The following TNRC6A variants were observed in gnomAD, a reference collection of about 807,000 sequenced individuals.
TNRC6A encodes the protein trinucleotide repeat containing adaptor 6A.
TNRC6A carries 44 observed loss-of-function variants against 221.2 expected under a neutral mutation model. That is an observed-to-expected ratio of 0.20 (90% CI 0.16 to 0.26). The LOEUF is 0.26. Ranked by LOEUF, TNRC6A falls within the 10% of genes least tolerant of loss-of-function variation. TNRC6A has a pLI of 1.00. For synonymous variants in TNRC6A, 847 were observed against 838.5 expected, an observed-to-expected ratio of 1.01 and a Z score of -0.18; for missense variants, 2,199 against 2,404.4, an observed-to-expected ratio of 0.91 and a Z score of 1.79.
intron 2 of TNRC6A, among the ~76,000 whole-genome samples, chr16:24,689,449 C>T (rs1156576532): frequency 1.3e-5 from 2 of 152,206 alleles, no homozygotes; most frequent in Admixed American, 1.3e-4. Flanking sequence ...GAAATCCGCA[C>T]ATTGATGAGA....
intron 1 of TNRC6A, among the ~76,000 whole-genome samples, chr16:24,639,493 A>T (rs1901819353): frequency 6.6e-6 from 1 of 152,122 alleles, no homozygotes; most frequent in Non-Finnish European, 1.5e-5. Context: ...ACCCTCTCTC[A>T]AAAAACATGA....
At chr16:24,614,279 C>T (rs1900227736) in intron 1 of TNRC6A, among the ~76,000 whole-genome samples, 1 of 152,208 alleles carries the variant, frequency 6.6e-6, no homozygotes, top group South Asian at 2.1e-4. Context: ...GTTTGCGAGG[C>T]CCCGTGGGCC....
Position 24,823,921 on chromosome 16 carries a change from A to C in TNRC6A, c.*114A>C. On this transcript the variant is annotated 3_prime_UTR_variant, in exon 25 of 25. Coordinates refer to ENST00000395799, the MANE Select transcript of TNRC6A (RefSeq NM_014494.4). The surrounding 1 kb of genome is among the most constrained non-coding windows in gnomAD (Gnocchi z 4.3). ...CTGTGGGAACAGCTATTCTCTGCAC[A>C]TTTTCCACTTTGTTTTCCCCAAAAC... 8.9e-7 allele frequency: 1 copy of C among 1,118,730 alleles called. No individual in the cohort carries two copies. The allele number at this position is 1,118,730 out of a possible 1,614,324, so 69.3% of individuals were successfully genotyped here.
At chr16:24,664,125 A>G (rs546316206) in intron 2 of TNRC6A, 5 of 319,402 alleles carry the variant, frequency 1.6e-5, no homozygotes, top group African/African-American at 2.2e-5. Context: ...TGAGATCAGG[A>G]GTTTGAGACC....
At chr16:24,653,719 G>T (rs1292879520) in intron 2 of TNRC6A, among the ~76,000 whole-genome samples, 2 of 151,600 alleles carry the variant, frequency 1.3e-5, no homozygotes, top group African/African-American at 4.8e-5. Context: ...TGTGCAGGTT[G>T]CAGTGAACAG....
At chr16:24,787,008 G>C (rs1160471874) in intron 5 of TNRC6A, among the ~76,000 whole-genome samples, 1 of 152,166 alleles carries the variant, frequency 6.6e-6, no homozygotes, top group African/African-American at 2.4e-5. Flanking sequence ...CTACTTTAGA[G>C]ATGAAACTAG....
In TNRC6A at chr16:24,823,555, G is replaced by C. The variant is rs992525692; in HGVS notation, c.5637G>C (p.Gln1879His). The change falls in exon 25 of 25, where the codon CAG becomes CAC. Residue 1879 changes from glutamine (Q) to histidine (H), a missense_variant. Transcript: ENST00000395799. This position sits in a 1 kb window ranked among gnomAD's most constrained non-coding sequence, Gnocchi z 4.3. The part of the protein sequence containing the change: ...SPGWQSLGSS[Q>H]SRLGSLDCSH... ...GCTGGCAGTCTCTCGGGTCCAGCCA[G>C]AGCCGGCTGGGCTCCCTCGACTGTT... 8.7e-6 allele frequency: 14 copies of C among 1,614,204 alleles called. No homozygotes were observed. In the East Asian group the frequency reaches 2.7e-4, roughly 31 times the overall value.
intron 2 of TNRC6A, among the ~76,000 whole-genome samples, chr16:24,683,662 G>A (rs1322743794): frequency 6.6e-6 from 1 of 152,188 alleles, no homozygotes; most frequent in Non-Finnish European, 1.5e-5. Flanking sequence ...CCGAGTTCAA[G>A]TCCTGTTTCT....
At chr16:24,777,620 A>G (rs1048517848) in intron 5 of TNRC6A, among the ~76,000 whole-genome samples, 1 of 152,214 alleles carries the variant, frequency 6.6e-6, no homozygotes, top group African/African-American at 2.4e-5. Flanking sequence ...AAAGTTGACT[A>G]TAAGACTGTA....
At chr16:24,766,270 C>A (rs1328771653) in intron 4 of TNRC6A, among the ~76,000 whole-genome samples, 1 of 152,128 alleles carries the variant, frequency 6.6e-6, no homozygotes, top group African/African-American at 2.4e-5. Flanking sequence ...TTTGCCTCAT[C>A]TGTAAAATGG....
At chr16:24,628,647 T>C (rs888710795) in intron 1 of TNRC6A, among the ~76,000 whole-genome samples, 8 of 152,186 alleles carry the variant, frequency 5.3e-5, no homozygotes, top group African/African-American at 1.4e-4. Context: ...TGTGATTTTC[T>C]TAATATTGAA....
intron 2 of TNRC6A, among the ~76,000 whole-genome samples, chr16:24,721,830 C>T (rs1005182289): frequency 1.2e-4 from 19 of 152,288 alleles, no homozygotes; most frequent in African/African-American, 4.3e-4. Context: ...AAGGAACGAA[C>T]TTAATACACG....
chr16:24,611,607 G>T (rs993008001), intron 1 of TNRC6A, among the ~76,000 whole-genome samples: 5 of 152,232 alleles, frequency 3.3e-5, no homozygotes, highest in African/African-American at 1.2e-4. Flanking sequence ...ATCTCGTAGA[G>T]CTGGCTCCGA....
intron 2 of TNRC6A, among the ~76,000 whole-genome samples, chr16:24,717,758 CT>C (rs796163303): frequency 2.6e-4 from 30 of 116,830 alleles, no homozygotes; most frequent in East Asian, 1.3e-3. Context: ...CAAGGTTCAT[CT>C]TTTTTTTTTT....
intron 3 of TNRC6A, among the ~76,000 whole-genome samples, chr16:24,756,690 G>C (rs746922387): frequency 2.0e-5 from 3 of 152,020 alleles, no homozygotes; most frequent in African/African-American, 7.2e-5. Flanking sequence ...ATGGGGTTTC[G>C]CCATATTGGC....
chr16:24,818,579 C>CT lies in TNRC6A; in HGVS notation c.4973-12dup, dbSNP rs763210043. The CT allele has an allele frequency of 2.5e-4, 401 of 1,610,296 alleles. No homozygotes were observed. The highest frequency in any genetic ancestry group is 3.2e-4 in the Non-Finnish European group (381 of 1,176,510). Reference sequence around the variant, plus strand: ...CCTTGCTCTGGTGGCTGATTGGACTCTTCCCCCACACAGGGTCATCCTCAT... The same window carrying CT: ...CCTTGCTCTGGTGGCTGATTGGACTCTTTCCCCCACACAGGGTCATCCTCAT... On this transcript the variant is annotated splice_polypyrimidine_tract_variant and intron_variant, in intron 20 of 24. Transcript: ENST00000395799.
intron 2 of TNRC6A, among the ~76,000 whole-genome samples, chr16:24,736,531 CTTT>C (rs965781091): frequency 6.6e-6 from 1 of 152,090 alleles, no homozygotes; most frequent in Non-Finnish European, 1.5e-5. Flanking sequence ...TTTTCCTGCC[CTTT>C]TCTGCTTCTC....
In TNRC6A at chr16:24,820,093, C is replaced by G. The variant is rs748213342; in HGVS notation, c.5081-46C>G. On this transcript the variant is annotated intron_variant, in intron 21 of 24. Coordinates refer to ENST00000395799, the MANE Select transcript of TNRC6A (RefSeq NM_014494.4). ...TGTCATTATTTAAATTTCCTCCTTT[C>G]TTAAACATTATTCCTCCCCTCTCCA... is the stretch of plus-strand genomic sequence containing the variant. 6 of 1,544,218 alleles carry G rather than the reference C, an allele frequency of 3.9e-6. No individual in the cohort carries two copies. The South Asian group carries it at 5.6e-5, about 14-fold the overall frequency.
chr16:24,769,628 C>T (rs1395016357), intron 4 of TNRC6A, among the ~76,000 whole-genome samples: 1 of 152,144 alleles, frequency 6.6e-6, no homozygotes, highest in East Asian at 1.9e-4. Flanking sequence ...ATCTCAGTGG[C>T]TGGTCTTGTC....
Sources: allele counts gnomAD v4.1 joint callset (sites outside exome capture counted in the v4.1 genomes callset), GRCh38; gene constraint gnomAD v4.1.1; non-coding constraint Gnocchi (gnomAD v3.1); transcripts MANE v1.5; gene names NCBI Gene and HGNC (gene_info 2026-07-23, HGNC 2026-07-21).